The following CPED1 variants were observed in gnomAD, a reference collection of about 807,000 sequenced individuals.
CPED1 encodes the protein cadherin like and PC-esterase domain containing 1.
CPED1 carries 114 observed loss-of-function variants against 128.2 expected under a neutral mutation model. The ratio of observed to expected loss-of-function variants is 0.89; its 90% CI spans 0.76 to 1.04. The LOEUF (loss-of-function observed/expected upper bound fraction) is 1.04. Ranked by LOEUF, CPED1 falls within the 50% of genes least tolerant of loss-of-function variation. CPED1 has a pLI of 0.00. For missense variants in CPED1, 1,211 were observed against 1,207.1 expected, an observed-to-expected ratio of 1.00 and a Z score of -0.05; for synonymous variants, 462 against 426.7, an observed-to-expected ratio of 1.08 and a Z score of -1.02.
intron 16 of CPED1, among the ~76,000 whole-genome samples, chr7:121,232,949 C>A (rs1441453966): frequency 6.6e-6 from 1 of 151,946 alleles, no homozygotes. Flanking sequence ...AAAAATACAG[C>A]AATATCACAT....
rs551690512 is a variant in CPED1 at position 121,233,498 on chromosome 7, A to G, written c.2056-3216A>G. 8.0e-4 allele frequency among the ~76,000 whole-genome samples: 122 copies of G among 152,152 alleles called. 1 individual carries two copies. The highest frequency in any genetic ancestry group is 2.9e-3 in the African/African-American group (120 of 41,540). ...TGGGAGTTTGAAGCTGCAGTGAGCC[A>G]TGATGGTACCAGTGTACTCCAGCCT... On this transcript the variant is annotated intron_variant, in intron 16 of 22. Coordinates refer to ENST00000310396, the MANE Select transcript of CPED1 (RefSeq NM_024913.5).
chr7:121,055,348 A>C (rs1585043154), intron 4 of CPED1, among the ~76,000 whole-genome samples: 1 of 152,094 alleles, frequency 6.6e-6, no homozygotes, highest in South Asian at 2.1e-4. Flanking sequence ...CCTTTTATTT[A>C]AAAAATAGAG....
At chr7:121,064,155 T>C in intron 4 of CPED1, 83 bp from the exon 5 acceptor site, 1 of 898,316 alleles carries the variant, frequency 1.1e-6, no homozygotes, top group Non-Finnish European at 1.9e-6. Flanking sequence ...CCATCTATAC[T>C]CTCTGGGTTT....
chr7:121,046,805 A>AT, intron 3 of CPED1, 82 bp from the exon 4 acceptor site: 1 of 864,286 alleles, frequency 1.2e-6, no homozygotes, highest in Admixed American at 2.5e-5. Context: ...AAATAATTAC[A>AT]TTTTTTAATC....
At chr7:121,177,867 CAT>C (rs1294311651) in intron 16 of CPED1, among the ~76,000 whole-genome samples, 1 of 152,030 alleles carries the variant, frequency 6.6e-6, no homozygotes, top group Non-Finnish European at 1.5e-5. Flanking sequence ...GTTGTTATAG[CAT>C]GAATGCAAGT....
At chr7:121,007,820 A>G (rs1036123059) in intron 2 of CPED1, among the ~76,000 whole-genome samples, 7 of 152,002 alleles carry the variant, frequency 4.6e-5, no homozygotes, top group Non-Finnish European at 1.0e-4. Flanking sequence ...CTCTTTCTAC[A>G]CCAAATCAGG....
intron 5 of CPED1, among the ~76,000 whole-genome samples, chr7:121,081,628 G>A (rs1399940387): frequency 6.6e-6 from 1 of 152,146 alleles, no homozygotes; most frequent in Non-Finnish European, 1.5e-5. Flanking sequence ...AAGCAAATGT[G>A]TTGCATTTGA....
intron 16 of CPED1, among the ~76,000 whole-genome samples, chr7:121,187,366 G>A (rs924554500): frequency 2.6e-5 from 4 of 152,124 alleles, no homozygotes; most frequent in Admixed American, 2.0e-4. Context: ...TCAAAGGTTT[G>A]TGGCAAGAAA....
At chr7:121,040,897 G>GT (rs1197403985) in intron 3 of CPED1, among the ~76,000 whole-genome samples, 2 of 151,700 alleles carry the variant, frequency 1.3e-5, no homozygotes, top group East Asian at 1.9e-4. Flanking sequence ...TCTTGGACAT[G>GT]TTTTTTTCCA....
intron 5 of CPED1, among the ~76,000 whole-genome samples, chr7:121,071,699 A>G (rs985008462): frequency 2.0e-5 from 3 of 152,052 alleles, no homozygotes; most frequent in African/African-American, 4.8e-5. Flanking sequence ...ATATTTGACA[A>G]GAAACTTGTC....
chr7:121,143,220 A>G (rs1174770847), intron 16 of CPED1, among the ~76,000 whole-genome samples: 1 of 152,102 alleles, frequency 6.6e-6, no homozygotes, highest in African/African-American at 2.4e-5. Context: ...ACACTTAAAA[A>G]AGAGTAGAAT....
At chr7:121,213,248 C>G (rs566675508) in intron 16 of CPED1, among the ~76,000 whole-genome samples, 39 of 152,012 alleles carry the variant, frequency 2.6e-4, no homozygotes, top group African/African-American at 8.4e-4. Flanking sequence ...TGGTTCAAAC[C>G]CTATTTGTTC....
intron 16 of CPED1, among the ~76,000 whole-genome samples, chr7:121,167,328 T>C (rs945554527): frequency 1.3e-5 from 2 of 152,316 alleles, no homozygotes; most frequent in East Asian, 3.9e-4. Flanking sequence ...GAAACCTTCC[T>C]TGGCCCCTGT....
At chr7:121,246,597 C>G (rs1490020987) in intron 18 of CPED1, among the ~76,000 whole-genome samples, 1 of 152,188 alleles carries the variant, frequency 6.6e-6, no homozygotes, top group African/African-American at 2.4e-5. Flanking sequence ...ATGACCTTAT[C>G]TAAACGTAAT....
At chr7:121,201,119 G>C (rs1304260992) in intron 16 of CPED1, among the ~76,000 whole-genome samples, 1 of 152,082 alleles carries the variant, frequency 6.6e-6, no homozygotes, top group Non-Finnish European at 1.5e-5. Flanking sequence ...AGGAGGAGGT[G>C]CACATCAGAT....
rs750348141 is a variant in CPED1, at chr7:121,125,873, T to A, written c.1115T>A (p.Met372Lys). 1 of 1,613,214 alleles carries A rather than the reference T, an allele frequency of 6.2e-7. No individual in the cohort carries two copies. The highest frequency in any genetic ancestry group is 1.1e-5 in the South Asian group (1 of 91,068). Reference protein sequence around the residue: ...LTFDIGYGSFMYPVVLQVHEH... With the variant: ...LTFDIGYGSFKYPVVLQVHEH... ...TTTGATATTGGTTATGGCAGTTTCA[T>A]GTACCCTGTAGTGCTCCAGGTCAGT... Residue 372 changes from methionine to lysine, a missense_variant, in exon 9 of 23, where the codon ATG becomes AAG. Coordinates refer to ENST00000310396, the MANE Select transcript of CPED1 (RefSeq NM_024913.5).
At chr7:121,098,793 AAT>A (rs1563024911) in intron 6 of CPED1, among the ~76,000 whole-genome samples, 6 of 124,468 alleles carry the variant, frequency 4.8e-5, no homozygotes, top group South Asian at 2.4e-4. Context: ...AATATATAAA[AAT>A]ATATATAAAT....
At chr7:121,152,117 T>C (rs1266123623) in intron 16 of CPED1, among the ~76,000 whole-genome samples, 1 of 152,160 alleles carries the variant, frequency 6.6e-6, no homozygotes, top group African/African-American at 2.4e-5. Context: ...ACATTGAGCA[T>C]GACCTCATTC....
Position 121,295,424 on chromosome 7 carries a change from T to A in CPED1, c.2869-16T>A. On this transcript the variant is annotated splice_polypyrimidine_tract_variant and intron_variant, in intron 22 of 22. Transcript: ENST00000310396. ...TCTTGATTTTGCCTCACAGTTTTCT[T>A]GCTCTTCATTTACAGGTAGTGAAAT... 6.2e-7 allele frequency: 1 copy of A among 1,601,318 alleles called. No individual in the cohort carries two copies. The highest frequency in any genetic ancestry group is 1.1e-5 in the South Asian group (1 of 89,430).
Sources: allele counts gnomAD v4.1 joint callset (sites outside exome capture counted in the v4.1 genomes callset), GRCh38; gene constraint gnomAD v4.1.1; transcripts MANE v1.5; gene names NCBI Gene and HGNC (gene_info 2026-07-23, HGNC 2026-07-21).